TBC1D10A: variants seen among roughly 807,000 people sequenced by gnomAD.
The protein encoded by TBC1D10A is EBP50-PDX interactor of 64 kDa.
A neutral mutation model predicts 52.9 loss-of-function variants in TBC1D10A; 24 were observed. The observed-to-expected ratio is 0.45, with a 90% confidence interval of 0.33 to 0.64. TBC1D10A has a LOEUF of 0.64. Ranked by LOEUF, TBC1D10A falls within the 30% of genes least tolerant of loss-of-function variation. TBC1D10A has a pLI of 0.02. For missense variants in TBC1D10A, 602 were observed against 687.9 expected, an observed-to-expected ratio of 0.88 and a Z score of 1.40; for synonymous variants, 278 against 282.9, an observed-to-expected ratio of 0.98 and a Z score of 0.17.
chr22:30,318,666 T>A (rs1451892233), intron 1 of TBC1D10A: 1 of 471,190 alleles, frequency 2.1e-6, no homozygotes, highest in Admixed American at 2.3e-5. Context: ...TACCTCTCCA[T>A]CAGCCCACAT....
intron 2 of TBC1D10A, 108 bp downstream of exon 2, chr22:30,304,423 G>A: frequency 6.5e-7 from 1 of 1,539,308 alleles, no homozygotes; most frequent in African/African-American, 1.4e-5. Context: ...TAAGGCATCT[G>A]GCAGTTATAG....
chr22:30,295,193 AG>A, intron 4 of TBC1D10A, 138 bp from the exon 5 acceptor site: 3 of 805,332 alleles, frequency 3.7e-6, no homozygotes, highest in Non-Finnish European at 4.0e-6. Flanking sequence ...GTGGTCACCA[AG>A]GGGTCAGTCT....
chr22:30,323,692 A>G lies in TBC1D10A; in HGVS notation c.209+2981T>C, dbSNP rs140148975. The stretch of plus-strand genomic sequence containing the variant: ...TATTAAGATCCCTTACAGGCCAGGC[A>G]TGGTGGCTCATGCCTGTAAACCCAG... On this transcript the variant is annotated intron_variant, in intron 1 of 8. Coordinates refer to ENST00000215790, the MANE Select transcript of TBC1D10A (RefSeq NM_031937.3). 7.1e-3 allele frequency among the ~76,000 whole-genome samples: 1,076 copies of G among 152,202 alleles called. 14 individuals are homozygous for G. The highest frequency in any genetic ancestry group is 7.1e-3 in the Non-Finnish European group (481 of 68,008).
In TBC1D10A at chr22:30,326,934, C is replaced by T; in HGVS notation, c.-53G>A. 1 of 1,354,780 alleles carries T rather than the reference C, an allele frequency of 7.4e-7. No individual in the cohort carries two copies. Among genetic ancestry groups the T allele is most frequent in the Non-Finnish European group, 9.5e-7 (1 of 1,057,630 alleles). The allele number at this position is 1,354,780 out of a possible 1,614,324, so 83.9% of individuals were successfully genotyped here. On this transcript the variant is annotated 5_prime_UTR_variant, in exon 1 of 9. Transcript: ENST00000215790. ...AGCGGCCACCTCAGCCGCCCTGCTG[C>T]CGCCGACGCCCCGCCCACGCGCGGC...
chr22:30,311,431 G>A (rs1038567489), intron 1 of TBC1D10A, among the ~76,000 whole-genome samples: 1 of 152,198 alleles, frequency 6.6e-6, no homozygotes, highest in African/African-American at 2.4e-5. Context: ...GGCTGGCAGT[G>A]TCCAGGCTCC....
rs1930009254 is a variant in TBC1D10A, at chr22:30,293,803, C to A, written c.898G>T (p.Val300Phe). ...AGCCCCACCCGGAAGATGATCTTGA[C>A]CCCTGCATGGGGGATGGGCAGTAAG... ...RVWDMFFCEG[V>F]KIIFRVGLVL... The change falls in exon 8 of 9, where the codon GTC (valine) becomes TTC (phenylalanine). Residue 300 changes from valine to phenylalanine, a missense_variant and splice_region_variant. Physicochemically the swap from Val to Phe is conservative, Grantham distance 50 (BLOSUM62 -1). Coordinates refer to ENST00000215790, the MANE Select transcript of TBC1D10A (RefSeq NM_031937.3). 6.2e-7 allele frequency: 1 copy of A among 1,610,548 alleles called. No individual in the cohort carries two copies. Among genetic ancestry groups the A allele is most frequent in the Non-Finnish European group, 8.5e-7 (1 of 1,177,488 alleles).
At chr22:30,324,368 C>G (rs1487249578) in intron 1 of TBC1D10A, among the ~76,000 whole-genome samples, 1 of 152,150 alleles carries the variant, frequency 6.6e-6, no homozygotes, top group African/African-American at 2.4e-5. Context: ...AACATCGAAG[C>G]TTTCAGATAC....
At chr22:30,313,386 T>TGTGTGTG (rs953876330) in intron 1 of TBC1D10A, among the ~76,000 whole-genome samples, 14 of 135,918 alleles carry the variant, frequency 1.0e-4, no homozygotes, top group South Asian at 2.5e-4. Flanking sequence ...TGTGTGTGTG[T>TGTGTGTG]TGTTATTGTT....
chr22:30,321,694 G>A (rs760095001), intron 1 of TBC1D10A, among the ~76,000 whole-genome samples: 30 of 152,144 alleles, frequency 2.0e-4, no homozygotes, highest in Non-Finnish European at 3.2e-4. Context: ...CAGACTGGGC[G>A]GACTGAGGCT....
rs879773150 is a variant in TBC1D10A, at chr22:30,315,230, G to A, written c.210-10600C>T. Among the ~76,000 whole-genome samples, 4 of 152,198 alleles carry A rather than the reference G, an allele frequency of 2.6e-5. 1 individual carries two copies. Among genetic ancestry groups the A allele is most frequent in the Non-Finnish European group, 2.9e-5 (2 of 68,040 alleles). On this transcript the variant is annotated intron_variant, in intron 1 of 8. Transcript: ENST00000215790. ...AGGGAAGCCAGATTTTCACCCCAAAGCTGCATTGCTCCCTTACCATTATGC... is the reference window on the plus strand; with the variant it reads ...AGGGAAGCCAGATTTTCACCCCAAAACTGCATTGCTCCCTTACCATTATGC...
At chr22:30,314,839 A>C (rs1406526703) in intron 1 of TBC1D10A, among the ~76,000 whole-genome samples, 2 of 151,460 alleles carry the variant, frequency 1.3e-5, no homozygotes, top group East Asian at 3.9e-4. Flanking sequence ...CACCAAAAAA[A>C]CACAAAAAAC....
intron 1 of TBC1D10A, among the ~76,000 whole-genome samples, chr22:30,313,386 T>TGTGTGTGTGTGTG (rs953876330): frequency 2.9e-5 from 4 of 136,020 alleles, no homozygotes; most frequent in African/African-American, 8.1e-5. Flanking sequence ...TGTGTGTGTG[T>TGTGTGTGTGTGTG]TGTTATTGTT....
intron 8 of TBC1D10A, 162 bp from the exon 9 acceptor site, chr22:30,293,013 C>T: frequency 1.4e-6 from 1 of 729,952 alleles, no homozygotes; most frequent in Non-Finnish European, 2.2e-6. Flanking sequence ...CAGTCACGAG[C>T]CCCACAGCTG....
chr22:30,322,770 A>AT (rs1164363095), intron 1 of TBC1D10A, among the ~76,000 whole-genome samples: 1 of 149,430 alleles, frequency 6.7e-6, no homozygotes. Context: ...TAATTTTTGT[A>AT]TTTTTTGTAG....
intron 1 of TBC1D10A, chr22:30,318,578 T>C: frequency 2.1e-6 from 1 of 470,392 alleles, no homozygotes; most frequent in South Asian, 1.5e-5. Context: ...ACAGCTGGCC[T>C]TGCTTCCCTG....
chr22:30,309,459 T>C (rs1269839123), intron 1 of TBC1D10A, among the ~76,000 whole-genome samples: 3 of 152,226 alleles, frequency 2.0e-5, no homozygotes, highest in South Asian at 2.1e-4. Context: ...CTCTTGACTA[T>C]GTGATCCACC....
intron 2 of TBC1D10A, among the ~76,000 whole-genome samples, chr22:30,303,345 A>C: frequency 6.6e-6 from 1 of 152,258 alleles, no homozygotes; most frequent in East Asian, 1.9e-4. Flanking sequence ...AGACAGATAG[A>C]TAGACAGATA....
intron 2 of TBC1D10A, among the ~76,000 whole-genome samples, chr22:30,303,306 TAGAC>T (rs3067181): frequency 0.085 from 12,622 of 148,914 alleles, 601 homozygotes; most frequent in Non-Finnish European, 0.095. Flanking sequence ...GATAGATAGA[TAGAC>T]AGACAGACAG....
At chr22:30,311,405 C>A (rs1412294964) in intron 1 of TBC1D10A, among the ~76,000 whole-genome samples, 1 of 152,202 alleles carries the variant, frequency 6.6e-6, no homozygotes, top group Non-Finnish European at 1.5e-5. Context: ...GGCCCGGCCA[C>A]CCCTGCCTAG....
Sources: allele counts gnomAD v4.1 joint callset (sites outside exome capture counted in the v4.1 genomes callset), GRCh38; gene constraint gnomAD v4.1.1; transcripts MANE v1.5; gene names NCBI Gene and HGNC (gene_info 2026-07-23, HGNC 2026-07-21).